Variants in XKR4 observed in about 807,000 individuals in gnomAD.
XKR4 encodes the protein XK related 4, also known as XK-related protein 4.
XKR4 carries 12 observed loss-of-function variants against 53.9 expected under a neutral mutation model. That is an observed-to-expected ratio of 0.22 (90% confidence interval 0.14 to 0.36). The LOEUF is 0.36. Ranked by LOEUF, XKR4 falls within the 10% of genes least tolerant of loss-of-function variation. The pLI is 1.00. For synonymous variants in XKR4, 354 were observed against 362.4 expected (o/e 0.98, Z 0.26); for missense variants, 799 against 859.5 (o/e 0.93, Z 0.88).
intron 2 of XKR4, among the ~76,000 whole-genome samples, chr8:55,520,323 C>T (rs895240758): frequency 2.6e-5 from 4 of 152,242 alleles, no homozygotes; most frequent in African/African-American, 7.2e-5. Context: ...CGGTGGCTCA[C>T]GCCTAAAATC....
intron 1 of XKR4, among the ~76,000 whole-genome samples, chr8:55,249,208 C>T (rs35241567): frequency 0.15 from 23,199 of 152,126 alleles, 2,145 homozygotes; most frequent in Non-Finnish European, 0.21. Context: ...TTCAAGGACA[C>T]GAATATAAAC....
At chr8:55,369,379 G>GGGGAT in intron 2 of XKR4, among the ~76,000 whole-genome samples, 1 of 77,604 alleles carries the variant, frequency 1.3e-5, no homozygotes, top group Non-Finnish European at 2.6e-5. Context: ...GGGGAGGGGA[G>GGGGAT]GGGAGGGGAG....
At chr8:55,503,429 CT>C (rs1806474982) in intron 2 of XKR4, among the ~76,000 whole-genome samples, 2 of 151,818 alleles carry the variant, frequency 1.3e-5, no homozygotes, top group Admixed American at 6.6e-5. Context: ...GTATTTTATT[CT>C]TTTTCAAGCT....
chr8:55,156,885 A>T (rs1327220076), intron 1 of XKR4, among the ~76,000 whole-genome samples: 1 of 152,226 alleles, frequency 6.6e-6, no homozygotes, highest in Non-Finnish European at 1.5e-5. Flanking sequence ...TGCATAAACA[A>T]GTCTCTGAGA....
chr8:55,332,606 G>T (rs1803398019), intron 1 of XKR4, among the ~76,000 whole-genome samples: 1 of 151,848 alleles, frequency 6.6e-6, no homozygotes, highest in African/African-American at 2.4e-5. Context: ...CCCCCTTTCA[G>T]TTCTTTAAAT....
At chr8:55,481,174 C>G (rs989945887) in intron 2 of XKR4, among the ~76,000 whole-genome samples, 1 of 136,796 alleles carries the variant, frequency 7.3e-6, no homozygotes, top group Non-Finnish European at 1.5e-5. Context: ...GTAAACAAAA[C>G]AGCATGGTAC....
intron 2 of XKR4, among the ~76,000 whole-genome samples, chr8:55,458,853 C>T (rs1585585304): frequency 6.6e-6 from 1 of 152,144 alleles, no homozygotes; most frequent in Non-Finnish European, 1.5e-5. Flanking sequence ...GGATGGGGAG[C>T]AGGGCAGGCC....
At chr8:55,144,831 T>C (rs1469018516) in intron 1 of XKR4, among the ~76,000 whole-genome samples, 2 of 150,752 alleles carry the variant, frequency 1.3e-5, no homozygotes, top group Non-Finnish European at 2.9e-5. Context: ...TATTTTATTT[T>C]ATTTTATTAT....
At chr8:55,357,939 A>G (rs1453682364) in intron 2 of XKR4, 62 bp downstream of exon 2, 1 of 1,525,766 alleles carries the variant, frequency 6.6e-7, no homozygotes, top group Non-Finnish European at 8.9e-7. Flanking sequence ...TTTTGTCACA[A>G]TCCGAGGAAC....
intron 1 of XKR4, among the ~76,000 whole-genome samples, chr8:55,134,392 A>G (rs997190136): frequency 6.6e-6 from 1 of 152,250 alleles, no homozygotes; most frequent in Non-Finnish European, 1.5e-5. Context: ...AGAAAGCAAA[A>G]TGTAAAAAGA....
chr8:55,428,060 G>T (rs1378875085), intron 2 of XKR4, among the ~76,000 whole-genome samples: 1 of 152,216 alleles, frequency 6.6e-6, no homozygotes, highest in Non-Finnish European at 1.5e-5. Context: ...GGAACTGGAT[G>T]TGATTTATAC....
At chr8:55,218,606 G>A (rs1817836649) in intron 1 of XKR4, among the ~76,000 whole-genome samples, 1 of 152,168 alleles carries the variant, frequency 6.6e-6, no homozygotes, top group African/African-American at 2.4e-5. Flanking sequence ...TACATCTATT[G>A]TGAAAATGGA....
chr8:55,134,385 A>C (rs1816596659), intron 1 of XKR4, among the ~76,000 whole-genome samples: 1 of 152,266 alleles, frequency 6.6e-6, no homozygotes, highest in African/African-American at 2.4e-5. Context: ...AGGGTAAAGA[A>C]AGCAAAATGT....
intron 1 of XKR4, among the ~76,000 whole-genome samples, chr8:55,344,449 GT>G (rs111796979): frequency 0.081 from 11,237 of 138,476 alleles, 893 homozygotes; most frequent in African/African-American, 0.22. Context: ...AACCCTGTCT[GT>G]TTTTTTTTTT....
chr8:55,505,930 T>C (rs1410997378), intron 2 of XKR4, among the ~76,000 whole-genome samples: 1 of 152,226 alleles, frequency 6.6e-6, no homozygotes, highest in Non-Finnish European at 1.5e-5. Flanking sequence ...CAAATAATCT[T>C]CCTATATCAA....
intron 1 of XKR4, among the ~76,000 whole-genome samples, chr8:55,112,140 T>C (rs150728088): frequency 8.7e-4 from 132 of 152,354 alleles, no homozygotes; most frequent in African/African-American, 3.0e-3. Context: ...GCATCCGTTT[T>C]AAAATTATCT....
intron 1 of XKR4, among the ~76,000 whole-genome samples, chr8:55,356,863 C>T (rs761321492): frequency 3.0e-4 from 46 of 152,212 alleles, no homozygotes; most frequent in Non-Finnish European, 6.3e-4. Flanking sequence ...CCTCTTCCTC[C>T]TCAGCCTATT....
intron 1 of XKR4, among the ~76,000 whole-genome samples, chr8:55,325,733 G>A (rs1041997080): frequency 7.2e-5 from 11 of 152,144 alleles, no homozygotes; most frequent in Non-Finnish European, 1.5e-4. Flanking sequence ...ATCATTGTTA[G>A]ACATAATTTC....
chr8:55,250,853 C>T (rs1818352679), intron 1 of XKR4, among the ~76,000 whole-genome samples: 1 of 152,134 alleles, frequency 6.6e-6, no homozygotes, highest in Non-Finnish European at 1.5e-5. Flanking sequence ...TGATTCTTTA[C>T]CTTAAAACCA....
Sources: gnomAD v4.1 joint callset for allele counts (sites outside exome capture counted in the v4.1 genomes callset) on GRCh38, gnomAD v4.1.1 for gene constraint, MANE v1.5 for transcripts, NCBI Gene and HGNC (gene_info 2026-07-23, HGNC 2026-07-21) for gene names.